GPC5: variants seen among roughly 807,000 people sequenced by gnomAD.
GPC5 encodes glypican-5.
In GPC5, 47 loss-of-function variants were observed where a neutral mutation model predicts 53.9. The observed-to-expected ratio is 0.87, with a 90% confidence interval of 0.69 to 1.11. The LOEUF (loss-of-function observed/expected upper bound fraction) is 1.11. Among genes scored for constraint, GPC5 ranks in the 50% most tolerant of loss-of-function variants. The pLI, the probability that GPC5 is intolerant of heterozygous loss-of-function variation, is 0.00. For missense variants in GPC5, 748 were observed against 713.1 expected, an observed-to-expected ratio of 1.05 and a Z score of -0.56; for synonymous variants, 286 against 263.3, an observed-to-expected ratio of 1.09 and a Z score of -0.84.
chr13:92,173,265 T>G (rs940739466), intron 7 of GPC5, among the ~76,000 whole-genome samples: 6 of 152,130 alleles, frequency 3.9e-5, no homozygotes, highest in Non-Finnish European at 8.8e-5. Flanking sequence ...TTAAATTTGT[T>G]TTCCTGGCCA....
intron 2 of GPC5, among the ~76,000 whole-genome samples, chr13:91,639,047 G>T (rs76112139): frequency 6.6e-6 from 1 of 152,172 alleles, no homozygotes; most frequent in Non-Finnish European, 1.5e-5. Flanking sequence ...ATGAAAAACT[G>T]CCATAAACTT....
chr13:92,408,927 T>A (rs2139346515), intron 7 of GPC5, among the ~76,000 whole-genome samples: 1 of 152,226 alleles, frequency 6.6e-6, no homozygotes, highest in South Asian at 2.1e-4. Flanking sequence ...GAATACACAT[T>A]AGATTACCAA....
At chr13:91,557,300 C>G (rs559920758) in intron 2 of GPC5, among the ~76,000 whole-genome samples, 5 of 152,222 alleles carry the variant, frequency 3.3e-5, no homozygotes, top group Admixed American at 1.3e-4. Flanking sequence ...TCCCTTATGG[C>G]TAATGAGGTT....
At chr13:92,592,201 T>C (rs1443166389) in intron 7 of GPC5, among the ~76,000 whole-genome samples, 4 of 152,140 alleles carry the variant, frequency 2.6e-5, no homozygotes, top group African/African-American at 7.2e-5. Context: ...AGCTGAAGTT[T>C]GGAGAGAGTG....
chr13:92,051,199 C>CTTT (rs72346282), intron 6 of GPC5, among the ~76,000 whole-genome samples: 5 of 73,910 alleles, frequency 6.8e-5, no homozygotes, highest in African/African-American at 1.3e-4. Context: ...TCATTTTTTT[C>CTTT]TTTTTTTTTT....
At chr13:91,552,661 C>T (rs1003340665) in intron 2 of GPC5, among the ~76,000 whole-genome samples, 1 of 152,086 alleles carries the variant, frequency 6.6e-6, no homozygotes, top group Non-Finnish European at 1.5e-5. Flanking sequence ...AGGCACAGAT[C>T]GCTCATGCTA....
chr13:91,645,204 G>A (rs1205766870), intron 2 of GPC5, among the ~76,000 whole-genome samples: 2 of 152,290 alleles, frequency 1.3e-5, no homozygotes, highest in African/African-American at 2.4e-5. Context: ...TCTCCTGTGA[G>A]TTTAGTTCAA....
chr13:92,696,088 A>G (rs969696607), intron 7 of GPC5, among the ~76,000 whole-genome samples: 2 of 152,062 alleles, frequency 1.3e-5, no homozygotes, highest in Non-Finnish European at 2.9e-5. Flanking sequence ...TTCTTTATCC[A>G]GTCTATCGTT....
chr13:92,145,301 C>T (rs769326928), intron 7 of GPC5, among the ~76,000 whole-genome samples: 7 of 151,742 alleles, frequency 4.6e-5, no homozygotes, highest in South Asian at 2.1e-4. Flanking sequence ...TGATACATAA[C>T]GTGAAACCAG....
rs550322834 is a variant in GPC5, at chr13:91,473,708, T to C, written c.325+24786T>C. ...AGCTTAAACAGGCAGTTCACCATTT[T>C]ATTTATACTCTAAGAATAGTAAGAA... is the stretch of plus-strand genomic sequence containing the variant. On this transcript the variant is annotated intron_variant, in intron 2 of 7. Transcript: ENST00000377067. 3.9e-5 allele frequency among the ~76,000 whole-genome samples: 6 copies of C among 152,266 alleles called. No individual in the cohort carries two copies. The East Asian group carries it at 1.2e-3, about 29-fold the overall frequency.
chr13:91,636,642 A>C (rs2034292507), intron 2 of GPC5, among the ~76,000 whole-genome samples: 1 of 152,112 alleles, frequency 6.6e-6, no homozygotes, highest in Non-Finnish European at 1.5e-5. Context: ...TTTCCTGCTA[A>C]AATTCTGACT....
intron 2 of GPC5, among the ~76,000 whole-genome samples, chr13:91,540,334 C>G (rs1270855889): frequency 6.6e-6 from 1 of 152,214 alleles, no homozygotes; most frequent in Non-Finnish European, 1.5e-5. Context: ...TCTGGCCAGG[C>G]CTTAGAATTC....
At chr13:91,405,852 C>T (rs1417877803) in intron 1 of GPC5, among the ~76,000 whole-genome samples, 1 of 152,194 alleles carries the variant, frequency 6.6e-6, no homozygotes, top group Non-Finnish European at 1.5e-5. Flanking sequence ...CTCACTGCAG[C>T]TTTGACCTCC....
chr13:92,479,941 C>T (rs1319762627), intron 7 of GPC5, among the ~76,000 whole-genome samples: 1 of 151,928 alleles, frequency 6.6e-6, no homozygotes, highest in East Asian at 1.9e-4. Flanking sequence ...AGTAAAATAC[C>T]TTGAGGGAAC....
At chr13:92,210,552 G>C (rs1302319312) in intron 7 of GPC5, among the ~76,000 whole-genome samples, 1 of 152,004 alleles carries the variant, frequency 6.6e-6, no homozygotes, top group African/African-American at 2.4e-5. Context: ...AACCTCTCCA[G>C]TTTCTAATAA....
At chr13:91,991,219 C>T (rs191001950) in intron 6 of GPC5, among the ~76,000 whole-genome samples, 99 of 152,292 alleles carry the variant, frequency 6.5e-4, no homozygotes, top group Non-Finnish European at 1.0e-3. Context: ...CCTTTCACAG[C>T]CCTCCTTGTA....
chr13:92,078,996 A>G (rs945847645), intron 6 of GPC5, among the ~76,000 whole-genome samples: 16 of 151,894 alleles, frequency 1.1e-4, no homozygotes, highest in African/African-American at 3.6e-4. Context: ...ACTCTTTCCT[A>G]ACTGCTGTGA....
intron 7 of GPC5, among the ~76,000 whole-genome samples, chr13:92,657,583 T>G (rs1344937901): frequency 5.6e-5 from 5 of 89,456 alleles, no homozygotes; most frequent in Admixed American, 1.1e-4. Context: ...TTTTTGGTTT[T>G]TTTTTTTTTT....
At chr13:92,599,808 T>A (rs1439388925) in intron 7 of GPC5, among the ~76,000 whole-genome samples, 1 of 10,200 alleles carries the variant, frequency 9.8e-5, no homozygotes, top group Admixed American at 1.7e-3. Flanking sequence ...ATTAAGACTT[T>A]TTTTTTGTAA....
Sources: allele counts gnomAD v4.1 joint callset (sites outside exome capture counted in the v4.1 genomes callset), GRCh38; gene constraint gnomAD v4.1.1; transcripts MANE v1.5; gene names NCBI Gene and HGNC (gene_info 2026-07-23, HGNC 2026-07-21).